Variants in RHEBL1 observed in about 807,000 individuals in gnomAD.
The protein encoded by RHEBL1 is RHEB like 1, also known as GTPase RhebL1.
In RHEBL1, 22 loss-of-function variants were observed where a neutral mutation model predicts 27.4. The observed-to-expected ratio is 0.80, with a 90% CI of 0.57 to 1.15. The LOEUF (loss-of-function observed/expected upper bound fraction) is 1.15. Ranked by LOEUF, RHEBL1 falls within the 50% of genes most tolerant of loss-of-function variation. The pLI is 0.00. For synonymous variants in RHEBL1, 85 were observed against 80.8 expected (o/e 1.05, Z -0.28); for missense variants, 186 against 226.5 (o/e 0.82, Z 1.15).
At chr12:49,067,141 TGTCCAGGCTGGGCTGCAGTG>T (rs1939012078) in intron 2 of RHEBL1, 106 bp from the exon 3 acceptor site, 1 of 726,222 alleles carries the variant, frequency 1.4e-6, no homozygotes, top group South Asian at 1.7e-5. Context: ...CTCACTCTAT[TGTCCAGGCTGGGCTGCAGTG>T]GCATGATCTC....
At chr12:49,069,005 A>G in intron 2 of RHEBL1, 30 bp downstream of exon 2, 1 of 1,601,102 alleles carries the variant, frequency 6.2e-7, no homozygotes, top group Non-Finnish European at 8.5e-7. Flanking sequence ...GTCGCATACC[A>G]CCAGCACACT....
intron 5 of RHEBL1, 87 bp from the exon 6 acceptor site, chr12:49,066,365 G>T: frequency 6.5e-7 from 1 of 1,545,980 alleles, no homozygotes; most frequent in Non-Finnish European, 8.9e-7. Flanking sequence ...CTCCTTATCA[G>T]ACCAGGCAGG....
At chr12:49,068,718 G>A (rs1382813837) in intron 2 of RHEBL1, among the ~76,000 whole-genome samples, 2 of 152,126 alleles carry the variant, frequency 1.3e-5, no homozygotes, top group African/African-American at 2.4e-5. Context: ...TTACAGGCAT[G>A]AGCCACTGCG....
chr12:49,067,521 G>A (rs918905784), intron 2 of RHEBL1, among the ~76,000 whole-genome samples: 2 of 150,146 alleles, frequency 1.3e-5, no homozygotes, highest in Non-Finnish European at 3.0e-5. Context: ...GCTCACACCT[G>A]TAATCCCAGC....
rs186388726 is a variant in RHEBL1 at position 49,067,767 on chromosome 12, G to A, written c.125-732C>T. Reference sequence around the variant, plus strand: ...TGCACTCCAGCCTGGGTGACAGAGCGAGACTGTCTTGAAAAGAAAAGAAAA... The same window carrying A: ...TGCACTCCAGCCTGGGTGACAGAGCAAGACTGTCTTGAAAAGAAAAGAAAA... On this transcript the variant is annotated intron_variant, in intron 2 of 7. Transcript: ENST00000301068. Among the ~76,000 whole-genome samples, 305 of 152,190 alleles carry A rather than the reference G, an allele frequency of 2.0e-3. 1 individual carries two copies. The highest frequency in any genetic ancestry group is 3.7e-3 in the Non-Finnish European group (251 of 67,988).
intron 5 of RHEBL1, 62 bp downstream of exon 5, chr12:49,066,414 C>T: frequency 1.9e-6 from 3 of 1,574,418 alleles, no homozygotes; most frequent in Non-Finnish European, 2.6e-6. Flanking sequence ...GACAATTCTC[C>T]CCTCTGCTCT....
intron 2 of RHEBL1, 104 bp from the exon 3 acceptor site, chr12:49,067,139 A>G (rs987967989): frequency 4.0e-5 from 29 of 719,964 alleles, no homozygotes; most frequent in African/African-American, 1.2e-4. Flanking sequence ...GTCTCACTCT[A>G]TTGTCCAGGC....
intron 1 of RHEBL1, 21 bp downstream of exon 1, chr12:49,069,713 C>T (rs1043081238): frequency 1.9e-6 from 3 of 1,612,364 alleles, no homozygotes; most frequent in Admixed American, 1.7e-5. Flanking sequence ...CGCGTCCGAG[C>T]TCTGCAGGGC....
chr12:49,069,101 T>A lies in RHEBL1; in HGVS notation c.58A>T (p.Thr20Ser), dbSNP rs1022324828. The change falls in exon 2 of 8, where the codon ACA becomes TCA. Residue 20 changes from threonine to serine, a missense_variant. By Grantham distance (58) the Thr-to-Ser change is moderately conservative (BLOSUM62 1). Transcript: ENST00000301068. ...TCCACAAATTGATGTGCCAAAGATGTCTTCCCTGTGGGGAGCAGTGTGACA... is the reference window on the plus strand; with the variant it reads ...TCCACAAATTGATGTGCCAAAGATGACTTCCCTGTGGGGAGCAGTGTGACA... ...VILGYRCVGK[T>S]SLAHQFVEGE... 1 of 1,614,144 alleles carries A rather than the reference T, an allele frequency of 6.2e-7. No individual in the cohort carries two copies. The highest frequency in any genetic ancestry group is 8.5e-7 in the Non-Finnish European group (1 of 1,179,998).
chr12:49,065,380 T>G lies in RHEBL1; in HGVS notation c.432A>C (p.Thr144=). ...GKKLAESWGA[T]FMESSARENQ... ...TCTCTCGAGCAGATGACTCCATAAA[T>G]GTCGCACCCCAGGACTCTGCCAGCT... The change falls in exon 7 of 8, where the codon ACA becomes ACC. Residue 144 remains threonine, a synonymous_variant. Transcript: ENST00000301068. 6.2e-7 allele frequency: 1 copy of G among 1,614,104 alleles called. No homozygotes were observed. Among genetic ancestry groups the G allele is most frequent in the Middle Eastern group, 1.6e-4 (1 of 6,062 alleles).
intron 2 of RHEBL1, 22 bp downstream of exon 2, chr12:49,069,013 A>T (rs1382081420): frequency 1.9e-6 from 3 of 1,607,300 alleles, no homozygotes; most frequent in South Asian, 1.1e-5. Flanking sequence ...CCACCAGCAC[A>T]CTAGGGGAGA....
intron 1 of RHEBL1, 137 bp downstream of exon 1, chr12:49,069,597 T>G (rs1939054945): frequency 1.3e-6 from 1 of 762,470 alleles, no homozygotes. Flanking sequence ...CTTCCATTCC[T>G]CCACTCTTCC....
intron 2 of RHEBL1, among the ~76,000 whole-genome samples, chr12:49,067,377 T>C (rs999164091): frequency 6.6e-6 from 1 of 151,750 alleles, no homozygotes; most frequent in Non-Finnish European, 1.5e-5. Flanking sequence ...ACTCCTGGGC[T>C]CAAGCAATCC....
At chr12:49,066,745 A>C (rs1939003872) in intron 3 of RHEBL1, 44 bp from the exon 4 acceptor site, 2 of 1,559,758 alleles carry the variant, frequency 1.3e-6, no homozygotes, top group Non-Finnish European at 1.8e-6. Flanking sequence ...CCAAACCACT[A>C]AGATGGCAAA....
intron 2 of RHEBL1, 151 bp downstream of exon 2, chr12:49,068,884 C>T (rs766600508): frequency 1.5e-5 from 12 of 780,296 alleles, no homozygotes; most frequent in Non-Finnish European, 2.0e-5. Flanking sequence ...CTCTAGCCAT[C>T]CATCGAACAG....
At chr12:49,069,257 C>T (rs1939048397) in intron 1 of RHEBL1, 151 bp from the exon 2 acceptor site, 4 of 1,349,362 alleles carry the variant, frequency 3.0e-6, no homozygotes, top group Non-Finnish European at 4.0e-6. Context: ...TGTGTCTACC[C>T]TCACCCTCTT....
chr12:49,065,652 G>A (rs1019905991), intron 6 of RHEBL1, among the ~76,000 whole-genome samples: 11 of 151,988 alleles, frequency 7.2e-5, no homozygotes, highest in African/African-American at 1.7e-4. Flanking sequence ...TGGGCCACAC[G>A]CGGTTGCTTG....
At chr12:49,066,169 A>C (rs1207299158) in intron 6 of RHEBL1, 62 bp downstream of exon 6, 13 of 1,341,984 alleles carry the variant, frequency 9.7e-6, no homozygotes, top group Non-Finnish European at 1.4e-5. Flanking sequence ...CCAGGATGAG[A>C]GCCTGACTGA....
rs775327200 is a variant in RHEBL1, at chr12:49,069,800, C to T, written c.-15G>A. On this transcript the variant is annotated 5_prime_UTR_variant, in exon 1 of 8. Coordinates refer to ENST00000301068, the MANE Select transcript of RHEBL1 (RefSeq NM_144593.3). ...ACTAGCGGCATGGCAGGAGCCCGCCCCAGGGGCTTGCGGAACTGCGGGCTC... is the reference window on the plus strand; with the variant it reads ...ACTAGCGGCATGGCAGGAGCCCGCCTCAGGGGCTTGCGGAACTGCGGGCTC... The T allele has an allele frequency of 5.0e-6, 8 of 1,613,106 alleles. No homozygotes were observed. The South Asian group carries it at 8.8e-5, about 18-fold the overall frequency.
Sources: gnomAD v4.1 joint callset for allele counts (sites outside exome capture counted in the v4.1 genomes callset) on GRCh38, gnomAD v4.1.1 for gene constraint, MANE v1.5 for transcripts, NCBI Gene and HGNC (gene_info 2026-07-23, HGNC 2026-07-21) for gene names.